Variants in GRB14 observed in about 807,000 individuals in gnomAD.
GRB14 encodes the protein growth factor receptor bound protein 14.
GRB14 carries 38 observed loss-of-function variants against 69.1 expected under a neutral mutation model. The ratio of observed to expected loss-of-function variants is 0.55; its 90% CI spans 0.42 to 0.72. GRB14 has a LOEUF of 0.72. Ranked by LOEUF, GRB14 falls within the 30% of genes least tolerant of loss-of-function variation. The probability of loss-of-function intolerance (pLI) is 0.00; values close to 1 mark genes in which losing one functional copy is unlikely to be tolerated. For missense variants in GRB14, 666 were observed against 666.1 expected, an observed-to-expected ratio of 1.00 and a Z score of 0.00; for synonymous variants, 247 against 241.3, an observed-to-expected ratio of 1.02 and a Z score of -0.22.
At chr2:164,557,344 C>T (rs1688704263) in intron 2 of GRB14, among the ~76,000 whole-genome samples, 2 of 151,956 alleles carry the variant, frequency 1.3e-5, no homozygotes, top group South Asian at 4.1e-4. Context: ...CCAGGGGCCA[C>T]CACAATAGGA....
intron 2 of GRB14, among the ~76,000 whole-genome samples, chr2:164,585,413 A>G (rs1412714754): frequency 6.6e-6 from 1 of 151,972 alleles, no homozygotes. Context: ...ATTATATTTG[A>G]TTTTCATTTT....
chr2:164,581,251 C>T (rs1689397108), intron 2 of GRB14, among the ~76,000 whole-genome samples: 1 of 152,084 alleles, frequency 6.6e-6, no homozygotes, highest in Admixed American at 6.6e-5. Context: ...TGTCAGTGTC[C>T]TAATTCCTGG....
At chr2:164,537,649 T>C (rs1488293856) in intron 3 of GRB14, among the ~76,000 whole-genome samples, 7 of 152,270 alleles carry the variant, frequency 4.6e-5, no homozygotes, top group East Asian at 1.9e-4. Context: ...AGGGGAGAGA[T>C]GCTCGGACCT....
intron 12 of GRB14, among the ~76,000 whole-genome samples, chr2:164,496,527 G>A (rs897693452): frequency 6.6e-6 from 1 of 152,022 alleles, no homozygotes; most frequent in African/African-American, 2.4e-5. Context: ...GGACAATAGG[G>A]ATGTAAACAC....
chr2:164,512,083 G>A (rs1049977941), intron 6 of GRB14, among the ~76,000 whole-genome samples: 12 of 152,124 alleles, frequency 7.9e-5, no homozygotes, highest in Admixed American at 3.3e-4. Flanking sequence ...GAAGGCCTGC[G>A]TCTCATGGTT....
intron 3 of GRB14, among the ~76,000 whole-genome samples, chr2:164,528,747 G>A (rs79616375): frequency 0.015 from 2,225 of 152,080 alleles, 52 homozygotes; most frequent in African/African-American, 0.051. Flanking sequence ...CATCTAATTT[G>A]TCAGGTTTTC....
rs1183415157 is a variant in GRB14 at position 164,497,494 on chromosome 2, G to GA, written c.1105-5dup. On this transcript the variant is annotated splice_region_variant and splice_polypyrimidine_tract_variant and intron_variant, in intron 9 of 13. Coordinates refer to ENST00000263915, the MANE Select transcript of GRB14 (RefSeq NM_004490.3). ...GGGAATTCTCTGATATACTTCTCTG[G>GA]AAAAAAGAAACACATTTGAGTTATG... 1 of 1,517,022 alleles carries GA rather than the reference G, an allele frequency of 6.6e-7. No homozygotes were observed. The highest frequency in any genetic ancestry group is 9.0e-7 in the Non-Finnish European group (1 of 1,107,198). The allele number at this position is 1,517,022 out of a possible 1,614,324, so 94.0% of individuals were successfully genotyped here.
intron 2 of GRB14, among the ~76,000 whole-genome samples, chr2:164,585,265 T>A (rs1025674580): frequency 1.3e-5 from 2 of 151,714 alleles, no homozygotes; most frequent in Admixed American, 6.6e-5. Flanking sequence ...TTGAAATAAA[T>A]CTCAACACTC....
At chr2:164,618,786 G>C (rs1690370531) in intron 2 of GRB14, among the ~76,000 whole-genome samples, 1 of 152,188 alleles carries the variant, frequency 6.6e-6, no homozygotes, top group Non-Finnish European at 1.5e-5. Context: ...ATAAGAAAGA[G>C]AGCAATAGAC....
chr2:164,557,296 G>T (rs936050114), intron 2 of GRB14, among the ~76,000 whole-genome samples: 1 of 152,134 alleles, frequency 6.6e-6, no homozygotes, highest in Non-Finnish European at 1.5e-5. Flanking sequence ...GCCTTCACCC[G>T]GTACTGTGGT....
At chr2:164,574,193 T>A in intron 2 of GRB14, 1 of 580,096 alleles carries the variant, frequency 1.7e-6, no homozygotes, top group Non-Finnish European at 3.1e-6. Flanking sequence ...AGCCATTTTT[T>A]CCCCTCCACT....
chr2:164,492,991 TGA>T lies in GRB14; in HGVS notation c.*43_*44del. ...ATTTATGGTCTTTTATTATTTTTCT[TGA>T]GTCCTTTTCCTTCAATAGTTTAATA... On this transcript the variant is annotated 3_prime_UTR_variant, in exon 14 of 14. Transcript: ENST00000263915. 1 of 1,543,654 alleles carries T rather than the reference TGA, an allele frequency of 6.5e-7. No individual in the cohort carries two copies. Among genetic ancestry groups the T allele is most frequent in the Non-Finnish European group, 8.8e-7 (1 of 1,139,822 alleles).
chr2:164,554,536 C>T (rs1166730218), intron 2 of GRB14, among the ~76,000 whole-genome samples: 2 of 152,072 alleles, frequency 1.3e-5, no homozygotes, highest in South Asian at 4.1e-4. Context: ...ATAAACAGAG[C>T]GTCCAAAGAA....
Position 164,508,860 on chromosome 2 carries a change from A to G in GRB14, c.817-8T>C. The G allele has an allele frequency of 6.4e-7, 1 of 1,558,064 alleles. No homozygotes were observed. Among genetic ancestry groups the G allele is most frequent in the Non-Finnish European group, 8.7e-7 (1 of 1,154,030 alleles). Reference sequence around the variant, plus strand: ...CTGCAAATGCCGCGGTTCCTTAAAAAAAAAAGTATTGACATGGATACATAT... The same window carrying G: ...CTGCAAATGCCGCGGTTCCTTAAAAGAAAAAGTATTGACATGGATACATAT... On this transcript the variant is annotated splice_region_variant and splice_polypyrimidine_tract_variant and intron_variant, in intron 6 of 13. Transcript: ENST00000263915.
intron 6 of GRB14, among the ~76,000 whole-genome samples, chr2:164,512,791 A>T (rs1687374139): frequency 6.6e-6 from 1 of 152,136 alleles, no homozygotes; most frequent in South Asian, 2.1e-4. Context: ...AGGTATAACT[A>T]TTTTGCAGCT....
At chr2:164,522,736 C>G (rs888957315) in intron 5 of GRB14, among the ~76,000 whole-genome samples, 1 of 151,974 alleles carries the variant, frequency 6.6e-6, no homozygotes, top group Non-Finnish European at 1.5e-5. Context: ...GTCATGTTTT[C>G]CAAAGAGGAC....
At chr2:164,563,534 C>T (rs1688888363) in intron 2 of GRB14, among the ~76,000 whole-genome samples, 1 of 152,170 alleles carries the variant, frequency 6.6e-6, no homozygotes, top group East Asian at 1.9e-4. Context: ...TGGTCCTTCA[C>T]ATTCTCTGTG....
chr2:164,557,187 T>A (rs552165589), intron 2 of GRB14, among the ~76,000 whole-genome samples: 1 of 152,118 alleles, frequency 6.6e-6, no homozygotes, highest in Admixed American at 6.5e-5. Flanking sequence ...TGAACAATAC[T>A]CAGGAAAGAA....
intron 2 of GRB14, among the ~76,000 whole-genome samples, chr2:164,602,008 G>A (rs1309847384): frequency 6.6e-6 from 1 of 151,986 alleles, no homozygotes; most frequent in African/African-American, 2.4e-5. Context: ...GTTATACCAT[G>A]TAAGAGTAAT....
Sources: gnomAD v4.1 joint callset for allele counts (sites outside exome capture counted in the v4.1 genomes callset) on GRCh38, gnomAD v4.1.1 for gene constraint, MANE v1.5 for transcripts, NCBI Gene and HGNC (gene_info 2026-07-23, HGNC 2026-07-21) for gene names.